The following AKR1B10 variants were observed in gnomAD, a reference collection of about 807,000 sequenced individuals.
AKR1B10 encodes the protein aldo-keto reductase family 1 member B10, also known as ARP.
AKR1B10 carries 39 observed loss-of-function variants against 38.9 expected under a neutral mutation model. The observed-to-expected ratio is 1.00, with a 90% CI of 0.78 to 1.31. AKR1B10 has a LOEUF of 1.31. AKR1B10 is among the 50% of genes most tolerant of loss of function. The pLI, the probability that AKR1B10 is intolerant of heterozygous loss-of-function variation, is 0.00. For missense variants in AKR1B10, 361 were observed against 382.6 expected, an observed-to-expected ratio of 0.94 and a Z score of 0.47; for synonymous variants, 148 against 141.2, an observed-to-expected ratio of 1.05 and a Z score of -0.34.
At chr7:134,531,778 C>A in intron 2 of AKR1B10, 130 bp from the exon 3 acceptor site, 1 of 1,022,176 alleles carries the variant, frequency 9.8e-7, no homozygotes, top group Non-Finnish European at 1.5e-6. Context: ...TGTCGTGGAT[C>A]TTAATCAGCT....
chr7:134,527,855 C>G lies in AKR1B10; in HGVS notation c.-57C>G. Reference sequence around the variant, plus strand: ...TGCAAGACTGTCTCAAAAACAGCAACAGAGAGCAGGACGTGAGACTTCTAC... The same window carrying G: ...TGCAAGACTGTCTCAAAAACAGCAAGAGAGAGCAGGACGTGAGACTTCTAC... On this transcript the variant is annotated 5_prime_UTR_variant, in exon 1 of 10. Transcript: ENST00000359579. 8.1e-6 allele frequency: 13 copies of G among 1,610,994 alleles called. No homozygotes were observed. Among genetic ancestry groups the G allele is most frequent in the Non-Finnish European group, 1.1e-5 (13 of 1,179,136 alleles).
At chr7:134,530,535 T>C (rs1036116975) in intron 1 of AKR1B10, 108 bp from the exon 2 acceptor site, 1 of 1,184,220 alleles carries the variant, frequency 8.4e-7, no homozygotes, top group African/African-American at 1.5e-5. Flanking sequence ...ACTCGGGAGG[T>C]GGGAGGGTTG....
chr7:134,538,903 C>G, intron 8 of AKR1B10, 32 bp from the exon 9 acceptor site: 1 of 1,613,186 alleles, frequency 6.2e-7, no homozygotes, highest in Non-Finnish European at 8.5e-7. Flanking sequence ...AATGGCCTTA[C>G]TGATGATGTA....
chr7:134,540,785 GCC>G (rs1562932881), intron 9 of AKR1B10, among the ~76,000 whole-genome samples: 1 of 152,034 alleles, frequency 6.6e-6, no homozygotes, highest in Non-Finnish European at 1.5e-5. Flanking sequence ...CTGTCACCTC[GCC>G]TGACACCAGG....
At chr7:134,528,907 C>T (rs1275284912) in intron 1 of AKR1B10, among the ~76,000 whole-genome samples, 2 of 152,128 alleles carry the variant, frequency 1.3e-5, no homozygotes, top group Non-Finnish European at 2.9e-5. Flanking sequence ...GGCTGGGAGT[C>T]GTGAGCACCA....
At chr7:134,530,571 C>T in intron 1 of AKR1B10, 72 bp from the exon 2 acceptor site, 1 of 1,562,634 alleles carries the variant, frequency 6.4e-7, no homozygotes, top group Non-Finnish European at 8.7e-7. Flanking sequence ...GTGAGGCCAG[C>T]CTGGGCAACA....
At chr7:134,529,428 G>C (rs2117534374) in intron 1 of AKR1B10, among the ~76,000 whole-genome samples, 1 of 152,278 alleles carries the variant, frequency 6.6e-6, no homozygotes, top group South Asian at 2.1e-4. Flanking sequence ...TTACCAGACA[G>C]TTTCATAATT....
rs188609837 is a variant in AKR1B10, at chr7:134,540,923, C to A, written c.909-124C>A. 112 of 710,776 alleles carry A rather than the reference C, an allele frequency of 1.6e-4. No individual in the cohort carries two copies. The East Asian group carries it at 3.0e-3, about 19-fold the overall frequency. 44.0% of individuals were successfully genotyped at this position (710,776 alleles called of 1,614,324 possible). ...TGTGGGCACCCTCCTTATGTTCTTGCAGGGAGGAGGCTAAGAGAGCACAAA... is the reference window on the plus strand; with the variant it reads ...TGTGGGCACCCTCCTTATGTTCTTGAAGGGAGGAGGCTAAGAGAGCACAAA... On this transcript the variant is annotated intron_variant, in intron 9 of 9. Coordinates refer to ENST00000359579, the MANE Select transcript of AKR1B10 (RefSeq NM_020299.5).
At chr7:134,540,436 G>A (rs1310015191) in intron 9 of AKR1B10, among the ~76,000 whole-genome samples, 1 of 152,104 alleles carries the variant, frequency 6.6e-6, no homozygotes, top group Non-Finnish European at 1.5e-5. Context: ...CTTCCTATGA[G>A]CATCATTTCT....
Position 134,534,275 on chromosome 7 carries a change from C to T in AKR1B10, c.429+1194C>T, listed in dbSNP as rs1223822822. ...TCGCTGGGACTAGAGGTGCATGCCA[C>T]CACGCCTGGCTAATTTTTGTATTTT... is the stretch of plus-strand genomic sequence containing the variant. On this transcript the variant is annotated intron_variant, in intron 4 of 9. Transcript: ENST00000359579. Among the ~76,000 whole-genome samples, 5 of 152,126 alleles carry T rather than the reference C, an allele frequency of 3.3e-5. 1 individual carries two copies. The highest frequency in any genetic ancestry group is 1.2e-4 in the African/African-American group (5 of 41,426).
intron 1 of AKR1B10, among the ~76,000 whole-genome samples, chr7:134,529,173 G>A (rs534817805): frequency 1.9e-4 from 29 of 152,120 alleles, no homozygotes; most frequent in African/African-American, 6.7e-4. Context: ...CTTTCCTTCT[G>A]TGCACCCTGA....
At chr7:134,528,869 G>A (rs1356090635) in intron 1 of AKR1B10, among the ~76,000 whole-genome samples, 1 of 152,200 alleles carries the variant, frequency 6.6e-6, no homozygotes, top group African/African-American at 2.4e-5. Flanking sequence ...ATTGAAATCT[G>A]CAACATGCTG....
chr7:134,529,512 CT>C (rs1807790808), intron 1 of AKR1B10, among the ~76,000 whole-genome samples: 1 of 152,142 alleles, frequency 6.6e-6, no homozygotes, highest in Non-Finnish European at 1.5e-5. Flanking sequence ...GGATTATGAA[CT>C]TAGCAGTGGA....
Position 134,527,720 on chromosome 7 carries a change from C to CCGTATCATTAAAAAA in AKR1B10, c.-191_-190insGTATCATTAAAAAAC. ...AATTAGCTGGGAGTCACGGTGGGCG[C>CCGTATCATTAAAAAA]CTGTAATCCCAGCTACTCGGGAGGC... On this transcript the variant is annotated 5_prime_UTR_variant, in exon 1 of 10. Coordinates refer to ENST00000359579, the MANE Select transcript of AKR1B10 (RefSeq NM_020299.5). 2 of 528,282 alleles carry CCGTATCATTAAAAAA rather than the reference C, an allele frequency of 3.8e-6. No individual in the cohort carries two copies. Among genetic ancestry groups the CCGTATCATTAAAAAA allele is most frequent in the Admixed American group, 3.2e-5 (1 of 31,570 alleles). The allele number at this position is 528,282 out of a possible 1,614,324, so 32.7% of individuals were successfully genotyped here. A position where few individuals can be genotyped will look rare whatever the true frequency, so the allele number is the denominator to read the frequency against.
intron 4 of AKR1B10, among the ~76,000 whole-genome samples, chr7:134,534,633 C>T (rs955894558): frequency 2.0e-5 from 3 of 152,114 alleles, no homozygotes; most frequent in Non-Finnish European, 2.9e-5. Context: ...AATATGTAAG[C>T]GTTGGATGTT....
intron 1 of AKR1B10, among the ~76,000 whole-genome samples, chr7:134,529,619 G>A (rs552520365): frequency 6.6e-6 from 1 of 152,224 alleles, no homozygotes; most frequent in South Asian, 2.1e-4. Context: ...GGGTAGCTGT[G>A]CATCTCTGTT....
intron 1 of AKR1B10, 67 bp downstream of exon 1, chr7:134,528,044 AT>A: frequency 6.3e-7 from 1 of 1,583,876 alleles, no homozygotes; most frequent in Non-Finnish European, 8.6e-7. Context: ...CTCTTTCTGC[AT>A]TCAGCCAGGA....
intron 1 of AKR1B10, among the ~76,000 whole-genome samples, chr7:134,528,698 C>T (rs1362562537): frequency 6.6e-6 from 1 of 151,900 alleles, no homozygotes; most frequent in African/African-American, 2.4e-5. Flanking sequence ...GCACTCCAGT[C>T]TGGGCAACAG....
intron 8 of AKR1B10, 36 bp from the exon 9 acceptor site, chr7:134,538,899 C>G (rs768885464): frequency 6.2e-7 from 1 of 1,612,890 alleles, no homozygotes; most frequent in East Asian, 2.2e-5. Flanking sequence ...CTAGAATGGC[C>G]TTACTGATGA....
Sources: allele counts gnomAD v4.1 joint callset (sites outside exome capture counted in the v4.1 genomes callset), GRCh38; gene constraint gnomAD v4.1.1; transcripts MANE v1.5; gene names NCBI Gene and HGNC (gene_info 2026-07-23, HGNC 2026-07-21).